NBPF11: variants seen among roughly 807,000 people sequenced by gnomAD.
NBPF11 encodes NBPF member 11, also known as NBPF family member NBPF11.
In NBPF11, 72 loss-of-function variants were observed where a neutral mutation model predicts 93.9. The ratio of observed to expected loss-of-function variants is 0.77; its 90% CI spans 0.63 to 0.93. The LOEUF (loss-of-function observed/expected upper bound fraction) is 0.93. Ranked by LOEUF, NBPF11 falls within the 40% of genes least tolerant of loss-of-function variation. The pLI is 0.00. For synonymous variants in NBPF11, 224 were observed against 304.9 expected (o/e 0.73, Z 2.76); for missense variants, 705 against 802.2 (o/e 0.88, Z 1.46).
chr1:148,146,619 C>T, intron 1 of NBPF11: 1 of 1,611,148 alleles, frequency 6.2e-7, no homozygotes, highest in South Asian at 1.1e-5. Flanking sequence ...AGCGTGCCGA[C>T]TTCCAGTACA....
intron 14 of NBPF11, among the ~76,000 whole-genome samples, chr1:148,115,162 CACAAAAAAAAAAAA>C (rs1666184090): frequency 6.6e-5 from 1 of 15,168 alleles, no homozygotes; most frequent in Admixed American, 1.0e-3. Flanking sequence ...AGGACTCCAT[CACAAAAAAAAAAAA>C]AAAAAAAAAA....
intron 1 of NBPF11, chr1:148,146,582 C>G: frequency 6.2e-7 from 1 of 1,608,088 alleles, no homozygotes; most frequent in Non-Finnish European, 8.5e-7. Flanking sequence ...TCGGGCGCAC[C>G]CGGGCGCTGG....
chr1:148,122,391 C>T, intron 8 of NBPF11, 125 bp from the exon 9 acceptor site: 1 of 1,501,432 alleles, frequency 6.7e-7, no homozygotes, highest in East Asian at 2.3e-5. Context: ...ATGGAGGTTC[C>T]CTTTAAGAGG....
In NBPF11 at chr1:148,117,011, C is replaced by A. The variant is rs1666724497; in HGVS notation, c.1307-476G>T. Among the ~76,000 whole-genome samples the A allele has an allele frequency of 3.3e-5, 5 of 152,168 alleles. No individual in the cohort carries two copies. The South Asian group carries it at 8.3e-4, about 25-fold the overall frequency. On this transcript the variant is annotated intron_variant, in intron 12 of 23. Transcript: ENST00000682118. ...GACATTCTATCCATGGGGAGTGCTC[C>A]AGTCTGAAGCACTTCCTACCACAAA...
Position 148,120,485 on chromosome 1 carries a change from A to G in NBPF11, c.988+16T>C. On this transcript the variant is annotated intron_variant, in intron 10 of 23. Transcript: ENST00000682118. Reference sequence around the variant, plus strand: ...TTCGTTCATCACTTTCGTGATGGTGAGCATATAGATCTTACTGTATTTGTT... The same window carrying G: ...TTCGTTCATCACTTTCGTGATGGTGGGCATATAGATCTTACTGTATTTGTT... 1 of 903,164 alleles carries G rather than the reference A, an allele frequency of 1.1e-6. No homozygotes were observed. 55.9% of individuals were successfully genotyped at this position (903,164 alleles called of 1,614,324 possible). A position where few individuals can be genotyped will look rare whatever the true frequency, so the allele number is the denominator to read the frequency against.
At chr1:148,122,006 C>T in intron 9 of NBPF11, 49 bp downstream of exon 9, 3 of 1,035,222 alleles carry the variant, frequency 2.9e-6, no homozygotes, top group Middle Eastern at 2.3e-4. Context: ...CAGAATTGAT[C>T]TTCCATAGCC....
At position 148,108,279 on chromosome 1, in the gene NBPF11, A is replaced by G. The variant is rs1664271613; in HGVS notation, c.2026+203T>C. Among the ~76,000 whole-genome samples, 3 of 151,944 alleles carry G rather than the reference A, an allele frequency of 2.0e-5. No individual in the cohort carries two copies. In the South Asian group the frequency reaches 6.2e-4, roughly 32 times the overall value. On this transcript the variant is annotated intron_variant, in intron 18 of 23. Transcript: ENST00000682118. ...TAGGGTGCCACAGGCATGGCCTGAG[A>G]CTAGGAAGAGAGCCTTGCTCACTGA...
intron 1 of NBPF11, chr1:148,146,584 G>C (rs1297124784): frequency 2.5e-6 from 4 of 1,608,162 alleles, no homozygotes; most frequent in African/African-American, 2.7e-5. Flanking sequence ...GGGCGCACCC[G>C]GGCGCTGGAA....
At chr1:148,131,073 C>T (rs1670245849) in intron 4 of NBPF11, among the ~76,000 whole-genome samples, 2 of 150,968 alleles carry the variant, frequency 1.3e-5, no homozygotes, top group South Asian at 4.2e-4. Context: ...CATGAGCATC[C>T]ATACGTAGCA....
chr1:148,132,144 G>GTGTGTATATA (rs1392331503), intron 4 of NBPF11, among the ~76,000 whole-genome samples: 4 of 137,490 alleles, frequency 2.9e-5, no homozygotes, highest in Non-Finnish European at 3.2e-5. Context: ...GTGTGTGTGT[G>GTGTGTATATA]TATATATATA....
intron 2 of NBPF11, among the ~76,000 whole-genome samples, chr1:148,142,716 TCTAGCC>T (rs1423820995): frequency 1.3e-3 from 204 of 151,816 alleles, no homozygotes; most frequent in Middle Eastern, 0.01. Context: ...TTATGGGGCC[TCTAGCC>T]CAGAGCAGGG....
At chr1:148,123,616 C>T (rs1399207657) in intron 7 of NBPF11, among the ~76,000 whole-genome samples, 1 of 151,724 alleles carries the variant, frequency 6.6e-6, no homozygotes, top group Non-Finnish European at 1.5e-5. Context: ...ATAGATGCTG[C>T]CTCTTGCTCC....
At chr1:148,146,498 A>G in intron 1 of NBPF11, 1 of 1,602,742 alleles carries the variant, frequency 6.2e-7, no homozygotes, top group Non-Finnish European at 8.5e-7. Flanking sequence ...GAGGCCACCT[A>G]CTCCCTGGTG....
chr1:148,135,958 A>T (rs1183711894), intron 3 of NBPF11, 145 bp from the exon 4 acceptor site: 5 of 638,844 alleles, frequency 7.8e-6, no homozygotes, highest in Non-Finnish European at 1.4e-5. Flanking sequence ...TCTTTACATG[A>T]TTAAACTCCT....
At chr1:148,115,094 G>C (rs1666152719) in intron 14 of NBPF11, among the ~76,000 whole-genome samples, 1 of 125,944 alleles carries the variant, frequency 7.9e-6, no homozygotes, top group Non-Finnish European at 1.6e-5. Flanking sequence ...GAATCTGGGA[G>C]GCAGAGGTTG....
At chr1:148,142,778 G>A (rs1177232925) in intron 2 of NBPF11, among the ~76,000 whole-genome samples, 422 of 149,540 alleles carry the variant, frequency 2.8e-3, no homozygotes, top group African/African-American at 8.2e-3. Flanking sequence ...GAAAGAAGGC[G>A]TCCACCACAA....
rs1157567688 is a variant in NBPF11 at position 148,103,423 on chromosome 1, A to C, written c.*473T>G. ...CCAGAGATACGTGGTTCAAATTAAA[A>C]TGTCCGACTGATCACTCCCGGCATG... On this transcript the variant is annotated 3_prime_UTR_variant, in exon 24 of 24. Transcript: ENST00000682118. 1 of 601,428 alleles carries C rather than the reference A, an allele frequency of 1.7e-6. No homozygotes were observed. The highest frequency in any genetic ancestry group is 2.8e-6 in the Non-Finnish European group (1 of 360,202). The allele number at this position is 601,428 out of a possible 1,614,324, so 37.3% of individuals were successfully genotyped here.
Position 148,108,563 on chromosome 1 carries a change from G to C in NBPF11, c.1945C>G (p.Leu649Val). Residue 649 changes from leucine (L) to valine (V), a missense_variant, in exon 18 of 24, where the codon CTG (leucine) becomes GTG (valine). Leu to Val is a conservative substitution (Grantham distance 32). This residue lies in a region of NBPF11 where 97 missense variants were observed against 65.0 expected (regional missense o/e 1.49). Transcript: ENST00000682118. Reference sequence around the variant, plus strand: ...CTGTAGGGCTGGCATGAGTCAGTCAGTCCAAGATAAACTGAAGGAGTTGAA... The same window carrying C: ...CTGTAGGGCTGGCATGAGTCAGTCACTCCAAGATAAACTGAAGGAGTTGAA... Reference protein sequence around the residue: ...CYSTPSVYLGLTDSCQPYRSA... With the variant: ...CYSTPSVYLGVTDSCQPYRSA... 1 of 1,603,312 alleles carries C rather than the reference G, an allele frequency of 6.2e-7. No homozygotes were observed. The highest frequency in any genetic ancestry group is 8.5e-7 in the Non-Finnish European group (1 of 1,172,690).
At chr1:148,149,965 G>T (rs1647868674) in intron 1 of NBPF11, among the ~76,000 whole-genome samples, 1 of 151,652 alleles carries the variant, frequency 6.6e-6, no homozygotes, top group Non-Finnish European at 1.5e-5. Flanking sequence ...AGGATGTGGG[G>T]TAACTGGAAT....
Sources: allele counts gnomAD v4.1 joint callset (sites outside exome capture counted in the v4.1 genomes callset), GRCh38; gene constraint gnomAD v4.1.1; regional missense constraint gnomAD v4.1.1; transcripts MANE v1.5; gene names NCBI Gene and HGNC (gene_info 2026-07-23, HGNC 2026-07-21).